The following MAPK6 variants were observed in gnomAD, a reference collection of about 807,000 sequenced individuals.
MAPK6 encodes mitogen-activated protein kinase 6.
In MAPK6, 19 loss-of-function variants were observed where a neutral mutation model predicts 59.3. The observed-to-expected ratio is 0.32, with a 90% CI of 0.22 to 0.47. MAPK6 has a LOEUF of 0.47. Ranked by LOEUF, MAPK6 falls within the 20% of genes least tolerant of loss-of-function variation. The probability of loss-of-function intolerance (pLI) is 1.00; values close to 1 mark genes in which losing one functional copy is unlikely to be tolerated. For missense variants in MAPK6, 724 were observed against 847.9 expected (o/e 0.85, Z 1.81); for synonymous variants, 316 against 290.3 (o/e 1.09, Z -0.90).
intron 2 of MAPK6, among the ~76,000 whole-genome samples, chr15:51,988,515 C>G (rs1223491373): frequency 1.3e-5 from 2 of 151,904 alleles, no homozygotes; most frequent in Non-Finnish European, 2.9e-5. Context: ...GGGTGGGTCA[C>G]AAGGGCAGGA....
intron 1 of MAPK6, among the ~76,000 whole-genome samples, chr15:52,020,908 T>C (rs2030502637): frequency 6.6e-6 from 1 of 152,222 alleles, no homozygotes; most frequent in African/African-American, 2.4e-5. Flanking sequence ...TAATTGCAGT[T>C]AATCTAGAAA....
chr15:52,038,610 T>C (rs1420840719), intron 1 of MAPK6, among the ~76,000 whole-genome samples: 1 of 152,146 alleles, frequency 6.6e-6, no homozygotes, highest in African/African-American at 2.4e-5. Context: ...ATTTATATTT[T>C]CATCTAGTTA....
intron 3 of MAPK6, among the ~76,000 whole-genome samples, chr15:52,055,618 C>T (rs1244054157): frequency 6.6e-6 from 1 of 152,082 alleles, no homozygotes; most frequent in Non-Finnish European, 1.5e-5. Flanking sequence ...CGGGTTCAAG[C>T]GATTCTCCTG....
chr15:52,045,266 G>A (rs16964700), intron 1 of MAPK6, among the ~76,000 whole-genome samples: 5,730 of 152,166 alleles, frequency 0.038, 245 homozygotes, highest in African/African-American at 0.092. Context: ...AATCTGAAAT[G>A]TTCTCTTAAG....
chr15:52,014,362 C>A (rs539932187), upstream of MAPK6, among the ~76,000 whole-genome samples: 114 of 152,238 alleles, frequency 7.5e-4, no homozygotes, highest in Middle Eastern at 3.4e-3. Context: ...TAGACACATT[C>A]ATATAAACTA....
upstream of MAPK6, among the ~76,000 whole-genome samples, chr15:52,016,894 A>G (rs2030286198): frequency 6.6e-6 from 1 of 152,004 alleles, no homozygotes; most frequent in Non-Finnish European, 1.5e-5. Flanking sequence ...AAATACAAAA[A>G]TCAGCTGGGT....
chr15:52,057,762 G>A (rs62015200), intron 3 of MAPK6, among the ~76,000 whole-genome samples: 2,011 of 152,172 alleles, frequency 0.013, 26 homozygotes, highest in Non-Finnish European at 0.017. Context: ...GGCTGGTCTC[G>A]AACTCTTGAC....
chr15:52,014,335 T>C (rs963412162), upstream of MAPK6, among the ~76,000 whole-genome samples: 6 of 152,180 alleles, frequency 3.9e-5, no homozygotes, highest in Non-Finnish European at 5.9e-5. Flanking sequence ...ATAAATACAT[T>C]TTACATTATG....
intron 3 of MAPK6, among the ~76,000 whole-genome samples, chr15:52,005,591 G>C (rs1159100859): frequency 6.6e-6 from 1 of 152,014 alleles, no homozygotes; most frequent in East Asian, 1.9e-4. Flanking sequence ...AAACAGGCAA[G>C]CTTCTGGCTG....
At chr15:52,024,824 G>A (rs2030695560) in intron 1 of MAPK6, 1 of 144,930 alleles carries the variant, frequency 6.9e-6, no homozygotes, top group Non-Finnish European at 1.5e-5. Context: ...CTGGACTCAA[G>A]TAATCCTCTC....
In MAPK6 at chr15:52,039,598, G is replaced by A. The variant is rs554300879; in HGVS notation, c.-631-6232G>A. The stretch of plus-strand genomic sequence containing the variant: ...TGGTGTGATCTCAGCTCACTGCAGC[G>A]TCCGCCTCCCAGGTTCAAGCGATTC... On this transcript the variant is annotated intron_variant, in intron 1 of 5. Coordinates refer to ENST00000261845, the MANE Select transcript of MAPK6 (RefSeq NM_002748.4). Among the ~76,000 whole-genome samples the A allele has an allele frequency of 7.7e-5, 11 of 143,426 alleles. No individual in the cohort carries two copies. In the East Asian group the frequency reaches 1.5e-3, roughly 19 times the overall value. The allele number at this position is 143,426 out of a possible 152,430, so 94.1% of individuals were successfully genotyped here.
At position 51,992,364 on chromosome 15, in the gene MAPK6, C is replaced by T. The variant is rs576394663; in HGVS notation, c.-770+9049C>T. 2.8e-4 allele frequency among the ~76,000 whole-genome samples: 41 copies of T among 146,538 alleles called. 1 individual carries two copies. Among genetic ancestry groups the T allele is most frequent in the African/African-American group, 8.8e-4 (35 of 39,862 alleles). On this transcript the variant is annotated intron_variant, in intron 2 of 7. Transcript: ENST00000691380. ...TAGCCCAGGCTGGAGTGCAGTGGTGCGATCTCGGCTCACTGCAAGCTCTGC... is the reference window on the plus strand; with the variant it reads ...TAGCCCAGGCTGGAGTGCAGTGGTGTGATCTCGGCTCACTGCAAGCTCTGC...
intron 1 of MAPK6, among the ~76,000 whole-genome samples, chr15:52,032,428 G>A (rs2031073050): frequency 6.6e-6 from 1 of 151,694 alleles, no homozygotes; most frequent in Non-Finnish European, 1.5e-5. Flanking sequence ...AGCCTCAGGT[G>A]ATCCATCTGC....
chr15:51,981,579 G>C (rs1485138090), intron 1 of MAPK6, among the ~76,000 whole-genome samples: 2 of 152,172 alleles, frequency 1.3e-5, no homozygotes, highest in Non-Finnish European at 2.9e-5. Context: ...CAGAAGCAAA[G>C]TTTGTCCTTT....
At chr15:52,054,183 C>T (rs960306904) in intron 3 of MAPK6, among the ~76,000 whole-genome samples, 1 of 151,640 alleles carries the variant, frequency 6.6e-6, no homozygotes, top group African/African-American at 2.4e-5. Context: ...GCCTGGCCAA[C>T]ATGGTGAAAC....
intron 1 of MAPK6, among the ~76,000 whole-genome samples, chr15:52,035,816 G>C (rs1169002353): frequency 1.3e-5 from 2 of 152,098 alleles, no homozygotes; most frequent in African/African-American, 4.8e-5. Context: ...TGCCAGGAAT[G>C]AGAATAGCCA....
intron 1 of MAPK6, among the ~76,000 whole-genome samples, chr15:51,972,545 C>G (rs1288503245): frequency 6.7e-6 from 1 of 149,746 alleles, no homozygotes; most frequent in Non-Finnish European, 1.5e-5. Flanking sequence ...TTTTTTTGGC[C>G]GGGCGCGGTC....
chr15:52,065,213 CTA>C lies in MAPK6; in HGVS notation c.*214_*215del, dbSNP rs1472421645. On this transcript the variant is annotated 3_prime_UTR_variant, in exon 6 of 6. Transcript: ENST00000261845. ...TGTCATTTGCACACAAAAATAAAGA[CTA>C]GAGCAAAATAATGCAACGCAGGAGG... The C allele has an allele frequency of 1.7e-5, 8 of 476,374 alleles. No individual in the cohort carries two copies. Among genetic ancestry groups the C allele is most frequent in the African/African-American group, 2.0e-5 (1 of 50,510 alleles). The allele number at this position is 476,374 out of a possible 1,614,324, so 29.5% of individuals were successfully genotyped here.
intron 2 of MAPK6, among the ~76,000 whole-genome samples, chr15:51,988,812 T>A (rs2057199161): frequency 6.6e-6 from 1 of 151,734 alleles, no homozygotes; most frequent in Non-Finnish European, 1.5e-5. Flanking sequence ...CAGAAGTTAG[T>A]TCATCAGTAT....
Sources: gnomAD v4.1 joint callset for allele counts (sites outside exome capture counted in the v4.1 genomes callset) on GRCh38, gnomAD v4.1.1 for gene constraint, MANE v1.5 for transcripts, NCBI Gene and HGNC (gene_info 2026-07-23, HGNC 2026-07-21) for gene names.